Variants in GREM2 observed in about 807,000 individuals in gnomAD.
GREM2 encodes the protein gremlin-2.
GREM2 carries 11 observed loss-of-function variants against 14.2 expected under a neutral mutation model. The observed-to-expected ratio is 0.78, with a 90% confidence interval of 0.49 to 1.28. The LOEUF is 1.28. GREM2 is among the 50% of genes most tolerant of loss of function. The pLI is 0.00. For missense variants in GREM2, 210 were observed against 218.5 expected, an observed-to-expected ratio of 0.96 and a Z score of 0.24; for synonymous variants, 98 against 97.6, an observed-to-expected ratio of 1.00 and a Z score of -0.02.
At chr1:240,579,363 G>A (rs1335020073) in intron 1 of GREM2, among the ~76,000 whole-genome samples, 1 of 152,142 alleles carries the variant, frequency 6.6e-6, no homozygotes, top group Non-Finnish European at 1.5e-5. Flanking sequence ...CACAGATCTG[G>A]AGTCAGGAGA....
At chr1:240,519,026 ATACAT>A (rs1678015586) in intron 1 of GREM2, among the ~76,000 whole-genome samples, 1 of 152,222 alleles carries the variant, frequency 6.6e-6, no homozygotes, top group South Asian at 2.1e-4. Context: ...ACACACATAC[ATACAT>A]ATTAGGCTAA....
In GREM2 at chr1:240,543,320, G is replaced by T. The variant is rs958344597; in HGVS notation, c.-1-49844C>A. On this transcript the variant is annotated intron_variant, in intron 1 of 1. Coordinates refer to ENST00000318160, the MANE Select transcript of GREM2 (RefSeq NM_022469.4). This position sits in a 1 kb window ranked among gnomAD's most constrained non-coding sequence, Gnocchi z 6.4. ...ACTGTGTAATTTATAAAGAAAAGAG[G>T]TTTAATTTACTCACAGTTCCACATG... 3.9e-5 allele frequency among the ~76,000 whole-genome samples: 6 copies of T among 152,168 alleles called. No individual in the cohort carries two copies. Among genetic ancestry groups the T allele is most frequent in the African/African-American group, 1.4e-4 (6 of 41,434 alleles).
intron 1 of GREM2, chr1:240,530,650 C>T (rs1409411880): frequency 4.6e-5 from 7 of 152,142 alleles, no homozygotes; most frequent in Non-Finnish European, 7.4e-5. Context: ...CTAGGACCAT[C>T]GCAAATGAAA....
chr1:240,607,367 C>CA (rs1288851877), intron 1 of GREM2, among the ~76,000 whole-genome samples: 1 of 151,580 alleles, frequency 6.6e-6, no homozygotes, highest in African/African-American at 2.4e-5. Context: ...TCTTCTAGGT[C>CA]AAAAAAAGTC....
chr1:240,511,599 A>C (rs1677831426), intron 1 of GREM2, among the ~76,000 whole-genome samples: 1 of 152,144 alleles, frequency 6.6e-6, no homozygotes, highest in African/African-American at 2.4e-5. Flanking sequence ...AAAAATACAA[A>C]GAAATTAGCC....
intron 1 of GREM2, among the ~76,000 whole-genome samples, chr1:240,521,003 C>T (rs1381627639): frequency 1.3e-5 from 2 of 151,558 alleles, no homozygotes; most frequent in African/African-American, 4.9e-5. Context: ...ATCCCATCCT[C>T]TGGTTATTTT....
chr1:240,579,987 T>C (rs1679453905), intron 1 of GREM2, among the ~76,000 whole-genome samples: 1 of 152,186 alleles, frequency 6.6e-6, no homozygotes, highest in African/African-American at 2.4e-5. Context: ...CAGACATACA[T>C]ATGCGTTTGT....
intron 1 of GREM2, among the ~76,000 whole-genome samples, chr1:240,517,858 A>G (rs1373536982): frequency 6.6e-6 from 1 of 152,246 alleles, no homozygotes; most frequent in Non-Finnish European, 1.5e-5. Context: ...TTTACCAACT[A>G]TATTATCAGG....
chr1:240,545,182 G>A (rs964146774), intron 1 of GREM2, among the ~76,000 whole-genome samples: 1 of 152,214 alleles, frequency 6.6e-6, no homozygotes, highest in East Asian at 1.9e-4. Flanking sequence ...CACTGGGAAA[G>A]GGAGAGAGGC....
At position 240,493,451 on chromosome 1, in the gene GREM2, A is replaced by T. The variant is rs750154720; in HGVS notation, c.25T>A (p.Leu9Met). The change falls in exon 2 of 2, where the codon TTG becomes ATG. Residue 9 changes from leucine (L) to methionine (M), a missense_variant. Leu to Met is a conservative substitution (Grantham distance 15). Coordinates refer to ENST00000318160, the MANE Select transcript of GREM2 (RefSeq NM_022469.4). The stretch of plus-strand genomic sequence containing the variant: ...TTCACCAGCACCGCCACCAGGAACA[A>T]GGACAGGGAAAGCTTCCAGAACATC... MFWKLSLS[L>M]FLVAVLVKVA... 1.9e-6 allele frequency: 3 copies of T among 1,609,132 alleles called. No homozygotes were observed. The highest frequency in any genetic ancestry group is 2.5e-6 in the Non-Finnish European group (3 of 1,177,468).
chr1:240,532,178 G>T (rs2103315882), intron 1 of GREM2, among the ~76,000 whole-genome samples: 1 of 150,478 alleles, frequency 6.6e-6, no homozygotes, highest in East Asian at 2.0e-4. Flanking sequence ...CCGCCTCCCA[G>T]GTTCAAGTGA....
Position 240,582,859 on chromosome 1 carries a change from T to A in GREM2, c.-2+29025A>T, listed in dbSNP as rs531488716. ...TCCTCTTTGATCCAAGGAACAAAATTTTTTTAAAGTACGTAGCTATTAGAT... is the reference window on the plus strand; with the variant it reads ...TCCTCTTTGATCCAAGGAACAAAATATTTTTAAAGTACGTAGCTATTAGAT... On this transcript the variant is annotated intron_variant, in intron 1 of 1. Transcript: ENST00000318160. Among the ~76,000 whole-genome samples the A allele has an allele frequency of 9.9e-5, 15 of 151,178 alleles. No homozygotes were observed. In the South Asian group the frequency reaches 3.2e-3, roughly 32 times the overall value.
intron 1 of GREM2, among the ~76,000 whole-genome samples, chr1:240,611,644 G>T (rs1571958856): frequency 6.6e-6 from 1 of 152,206 alleles, no homozygotes; most frequent in Non-Finnish European, 1.5e-5. Flanking sequence ...AGCGATCACG[G>T]TCAAGTTTGA....
At chr1:240,569,908 A>G (rs1679228136) in intron 1 of GREM2, among the ~76,000 whole-genome samples, 2 of 125,986 alleles carry the variant, frequency 1.6e-5, no homozygotes. Context: ...TATGCCAATT[A>G]TACTTCACTA....
At chr1:240,602,107 A>C (rs1196763254) in intron 1 of GREM2, among the ~76,000 whole-genome samples, 1 of 152,174 alleles carries the variant, frequency 6.6e-6, no homozygotes, top group African/African-American at 2.4e-5. Flanking sequence ...AATACAGAGA[A>C]GTTCTCAGCT....
intron 1 of GREM2, among the ~76,000 whole-genome samples, chr1:240,538,113 T>C (rs1678512435): frequency 6.6e-6 from 1 of 152,216 alleles, no homozygotes; most frequent in South Asian, 2.1e-4. Context: ...AAAGTAGGAT[T>C]GTCTAGAAAG....
At chr1:240,512,928 C>T (rs560668477) in intron 1 of GREM2, among the ~76,000 whole-genome samples, 1 of 152,298 alleles carries the variant, frequency 6.6e-6, no homozygotes, top group Non-Finnish European at 1.5e-5. Flanking sequence ...TCAACACATA[C>T]TTATTGTGAG....
intron 1 of GREM2, among the ~76,000 whole-genome samples, chr1:240,498,428 G>A (rs1289572921): frequency 6.6e-6 from 1 of 152,158 alleles, no homozygotes; most frequent in Non-Finnish European, 1.5e-5. Context: ...AGACAGGTAA[G>A]TAGGCAAGAG....
chr1:240,572,601 A>G (rs764606764), intron 1 of GREM2, among the ~76,000 whole-genome samples: 2 of 152,220 alleles, frequency 1.3e-5, no homozygotes, highest in Non-Finnish European at 2.9e-5. Flanking sequence ...GATTATAGGG[A>G]GTTAAAACCA....
Sources: allele counts gnomAD v4.1 joint callset (sites outside exome capture counted in the v4.1 genomes callset), GRCh38; gene constraint gnomAD v4.1.1; non-coding constraint Gnocchi (gnomAD v3.1); transcripts MANE v1.5; gene names NCBI Gene and HGNC (gene_info 2026-07-23, HGNC 2026-07-21).